The following PRKCB variants were observed in gnomAD, a reference collection of about 807,000 sequenced individuals.
PRKCB encodes the protein protein kinase C beta, also known as protein kinase C beta type.
In PRKCB, 13 loss-of-function variants were observed where a neutral mutation model predicts 81.5. That is an observed-to-expected ratio of 0.16 (90% CI 0.10 to 0.25). The LOEUF is 0.25. PRKCB is among the 10% of genes least tolerant of loss of function. The probability of loss-of-function intolerance (pLI) is 1.00; values close to 1 mark genes in which losing one functional copy is unlikely to be tolerated. For missense variants in PRKCB, 509 were observed against 875.7 expected (o/e 0.58, Z 5.29); for synonymous variants, 335 against 321.4 (o/e 1.04, Z -0.45).
chr16:23,947,885 C>CT (rs3073131), intron 2 of PRKCB, among the ~76,000 whole-genome samples: 2,626 of 124,416 alleles, frequency 0.021, 63 homozygotes, highest in Middle Eastern at 0.069. Context: ...TCTGGAGCCG[C>CT]TTTTTTTTTT....
intron 9 of PRKCB, among the ~76,000 whole-genome samples, chr16:24,152,900 G>A (rs1216482831): frequency 6.6e-6 from 1 of 152,162 alleles, no homozygotes; most frequent in Non-Finnish European, 1.5e-5. Flanking sequence ...TCTTGCTGTG[G>A]AAGTGTGTGA....
intron 7 of PRKCB, among the ~76,000 whole-genome samples, chr16:24,107,491 T>C (rs1241934899): frequency 6.6e-6 from 1 of 152,192 alleles, no homozygotes; most frequent in Admixed American, 6.5e-5. Context: ...TCCTGACATT[T>C]GGGCGGGGCT....
At chr16:24,196,369 G>A (rs1247534791) in intron 16 of PRKCB, among the ~76,000 whole-genome samples, 1 of 152,222 alleles carries the variant, frequency 6.6e-6, no homozygotes, top group East Asian at 1.9e-4. Flanking sequence ...TGTTGTGTAA[G>A]TTACTACCCT....
rs1244853804 is a variant in PRKCB, at chr16:23,987,966, T to C, written c.206-542T>C. ...TGCTTGCAGACTACTAAAGTGACAA[T>C]GTAAACGTTGCTGCCTATTTTTCCC... On this transcript the variant is annotated intron_variant, in intron 2 of 16. Transcript: ENST00000643927. 3.3e-5 allele frequency among the ~76,000 whole-genome samples: 5 copies of C among 152,232 alleles called. No individual in the cohort carries two copies. The South Asian group carries it at 8.3e-4, about 25-fold the overall frequency.
At chr16:23,844,546 G>A (rs540414706) in intron 2 of PRKCB, among the ~76,000 whole-genome samples, 111 of 151,914 alleles carry the variant, frequency 7.3e-4, no homozygotes, top group Non-Finnish European at 1.3e-3. Flanking sequence ...TTGCTCTGTC[G>A]CCCAGGCTGG....
intron 9 of PRKCB, among the ~76,000 whole-genome samples, chr16:24,128,370 G>A (rs1966848193): frequency 6.7e-6 from 1 of 148,646 alleles, no homozygotes; most frequent in Non-Finnish European, 1.5e-5. Flanking sequence ...GCAAGACACT[G>A]TCTCAAACAA....
At chr16:24,032,115 T>C in intron 3 of PRKCB, 21 bp from the exon 4 acceptor site, 1 of 1,558,946 alleles carries the variant, frequency 6.4e-7, no homozygotes. Flanking sequence ...TGGCTCCTTC[T>C]GTTGTTTCTC....
chr16:23,931,265 A>G (rs1401273490), intron 2 of PRKCB, among the ~76,000 whole-genome samples: 2 of 152,160 alleles, frequency 1.3e-5, no homozygotes, highest in African/African-American at 4.8e-5. Flanking sequence ...AAGATTCTGG[A>G]GCTAAAGGTG....
In PRKCB at chr16:24,127,146, A is replaced by T. The variant is rs80128723; in HGVS notation, c.1065+3165A>T. 3.4e-3 allele frequency among the ~76,000 whole-genome samples: 514 copies of T among 151,572 alleles called. 1 individual carries two copies. Among genetic ancestry groups the T allele is most frequent in the African/African-American group, 0.012 (478 of 41,286 alleles). ...TCAGCCTTTTCGAGTGGCTGGCATT[A>T]CAGGCACGCGCCACCACGCCCAGCT... On this transcript the variant is annotated intron_variant, in intron 9 of 16. Transcript: ENST00000643927.
chr16:24,199,144 A>G (rs1967920336), intron 16 of PRKCB, among the ~76,000 whole-genome samples: 1 of 152,220 alleles, frequency 6.6e-6, no homozygotes, highest in South Asian at 2.1e-4. Context: ...TGTTAGTATC[A>G]TTTCCAAAAT....
chr16:23,928,424 G>A (rs1175744058), intron 2 of PRKCB, among the ~76,000 whole-genome samples: 2 of 152,086 alleles, frequency 1.3e-5, no homozygotes, highest in African/African-American at 2.4e-5. Context: ...CACCGCGCCC[G>A]GCCCACAGAC....
At chr16:24,188,702 C>T (rs1353956870) in intron 15 of PRKCB, among the ~76,000 whole-genome samples, 1 of 152,112 alleles carries the variant, frequency 6.6e-6, no homozygotes, top group African/African-American at 2.4e-5. Flanking sequence ...CCAGCAGACA[C>T]TGAACAGCTG....
At chr16:23,960,447 C>A (rs1964410067) in intron 2 of PRKCB, among the ~76,000 whole-genome samples, 1 of 151,950 alleles carries the variant, frequency 6.6e-6, no homozygotes, top group Non-Finnish European at 1.5e-5. Context: ...GAAGTCGTTT[C>A]ATGTCTGTGT....
At chr16:24,193,180 C>T (rs198147) in intron 16 of PRKCB, among the ~76,000 whole-genome samples, 41,731 of 151,542 alleles carry the variant, frequency 0.28, 6,059 homozygotes, top group Non-Finnish European at 0.33. Flanking sequence ...CGGTGCCTCA[C>T]GCCTATAATC....
In PRKCB at chr16:23,969,597, G is replaced by A. The variant is rs113133208; in HGVS notation, c.206-18911G>A. On this transcript the variant is annotated intron_variant, in intron 2 of 16. Coordinates refer to ENST00000643927, the MANE Select transcript of PRKCB (RefSeq NM_002738.7). ...TGAGGATTAAAATGAGTTAATCTAC[G>A]TAAAGAGCTTAACACAGTGTCTAAC... Among the ~76,000 whole-genome samples the A allele has an allele frequency of 9.2e-3, 1,405 of 152,262 alleles. 14 individuals carry two copies. The highest frequency in any genetic ancestry group is 0.068 in the Middle Eastern group (20 of 294).
intron 2 of PRKCB, among the ~76,000 whole-genome samples, chr16:23,931,316 G>C (rs1423514316): frequency 6.6e-6 from 1 of 152,178 alleles, no homozygotes; most frequent in East Asian, 1.9e-4. Context: ...TCCAAATTCA[G>C]TTCTATTCTC....
At chr16:24,111,646 A>AAG (rs1966677860) in intron 7 of PRKCB, among the ~76,000 whole-genome samples, 1 of 151,156 alleles carries the variant, frequency 6.6e-6, no homozygotes, top group Non-Finnish European at 1.5e-5. Flanking sequence ...AAAAGAAAAA[A>AAG]AAAACAGCCA....
At chr16:23,939,592 G>A (rs1964111361) in intron 2 of PRKCB, among the ~76,000 whole-genome samples, 1 of 152,112 alleles carries the variant, frequency 6.6e-6, no homozygotes, top group South Asian at 2.1e-4. Context: ...AGGCACAAAA[G>A]GAGTTCAATG....
At chr16:23,837,132 C>T in intron 1 of PRKCB, 1 of 588,782 alleles carries the variant, frequency 1.7e-6, no homozygotes. Context: ...GGAAACGCTC[C>T]CCACTATCCC....
Sources: gnomAD v4.1 joint callset for allele counts (sites outside exome capture counted in the v4.1 genomes callset) on GRCh38, gnomAD v4.1.1 for gene constraint, MANE v1.5 for transcripts, NCBI Gene and HGNC (gene_info 2026-07-23, HGNC 2026-07-21) for gene names.